Variants in FYB1 observed in about 807,000 individuals in gnomAD.
FYB1 encodes the protein FYN-binding protein 1.
Under a neutral mutation model 94.1 loss-of-function variants are expected in FYB1, and 41 were observed. The ratio of observed to expected loss-of-function variants is 0.44; its 90% CI spans 0.34 to 0.57. The LOEUF (loss-of-function observed/expected upper bound fraction) is 0.57, where lower values mean the gene tolerates loss of function less well. Among genes scored for constraint, FYB1 ranks in the 20% least tolerant of loss-of-function variants. The pLI, the probability that FYB1 is intolerant of heterozygous loss-of-function variation, is 0.02. For missense variants in FYB1, 1,050 were observed against 976.8 expected, an observed-to-expected ratio of 1.07 and a Z score of -1.00; for synonymous variants, 367 against 353.2, an observed-to-expected ratio of 1.04 and a Z score of -0.44.
intron 12 of FYB1, among the ~76,000 whole-genome samples, chr5:39,124,830 T>C (rs1740479581): frequency 6.6e-6 from 1 of 151,890 alleles, no homozygotes; most frequent in South Asian, 2.1e-4. Flanking sequence ...ATTAAAGTGC[T>C]CTGAAATCAG....
intron 3 of FYB1, among the ~76,000 whole-genome samples, chr5:39,148,393 T>G (rs1175938949): frequency 2.1e-5 from 2 of 94,682 alleles, no homozygotes; most frequent in African/African-American, 1.2e-4. Context: ...TTTTTTTTTT[T>G]TTTTTTTTTT....
chr5:39,124,924 C>CACACACACACACACACACACACACACGT (rs1740494497), intron 12 of FYB1, among the ~76,000 whole-genome samples: 6 of 150,418 alleles, frequency 4.0e-5, no homozygotes, highest in Non-Finnish European at 8.9e-5. Flanking sequence ...TCCACACACA[C>CACACACACACACACACACACACACACGT]ACACACACAC....
Position 39,164,568 on chromosome 5 carries a change from G to A in FYB1, c.1136-10964C>T, listed in dbSNP as rs1004703771. Among the ~76,000 whole-genome samples the A allele has an allele frequency of 5.3e-5, 8 of 152,036 alleles. No individual in the cohort carries two copies. The East Asian group carries it at 1.5e-3, about 29-fold the overall frequency. On this transcript the variant is annotated intron_variant, in intron 2 of 18. Coordinates refer to ENST00000512982, the MANE Select transcript of FYB1 (RefSeq NM_001465.6). The stretch of plus-strand genomic sequence containing the variant: ...GCCTCCTGAGTAGCTGGGATTATAG[G>A]TAACCACCACCACACCTGGCTAATT...
At chr5:39,170,607 ACAGTAG>A (rs1208675364) in intron 2 of FYB1, among the ~76,000 whole-genome samples, 2 of 152,170 alleles carry the variant, frequency 1.3e-5, no homozygotes, top group East Asian at 3.9e-4. Flanking sequence ...TGGACTCTTA[ACAGTAG>A]CCTCCTCACC....
At chr5:39,269,728 C>T (rs1278734592) in intron 1 of FYB1, 2 of 152,238 alleles carry the variant, frequency 1.3e-5, no homozygotes, top group Admixed American at 6.5e-5. Flanking sequence ...GAGTCATCGT[C>T]TCAACTCCTG....
chr5:39,170,293 A>C, intron 2 of FYB1: 2 of 1,393,516 alleles, frequency 1.4e-6, no homozygotes, highest in Admixed American at 2.4e-5. Flanking sequence ...TCAGTTTAAA[A>C]GATCTTCTGT....
chr5:39,161,959 G>A lies in FYB1; in HGVS notation c.1136-8355C>T, dbSNP rs117247980. Among the ~76,000 whole-genome samples, 810 of 152,290 alleles carry A rather than the reference G, an allele frequency of 5.3e-3. 18 individuals carry two copies. In the East Asian group the frequency reaches 0.092, roughly 17 times the overall value. ...CAACAGAATCATACAATATGTGGTT[G>A]TTTGTGACTAGTTTCTTTCACTTAG... On this transcript the variant is annotated intron_variant, in intron 2 of 18. Transcript: ENST00000512982.
intron 2 of FYB1, among the ~76,000 whole-genome samples, chr5:39,173,674 CTCAGTA>C (rs1464305524): frequency 2.0e-5 from 3 of 152,124 alleles, no homozygotes; most frequent in African/African-American, 7.2e-5. Context: ...AGCCATTTAT[CTCAGTA>C]TCATTTATTG....
At position 39,201,813 on chromosome 5, in the gene FYB1, G is replaced by GA; in HGVS notation, c.1135+12dup. On this transcript the variant is annotated intron_variant, in intron 2 of 18. Coordinates refer to ENST00000512982, the MANE Select transcript of FYB1 (RefSeq NM_001465.6). ...GTAAACCATACTGAATAGCAAACGA[G>GA]AAAAGAACTCACTGTTTCCAGAAGA... The GA allele has an allele frequency of 6.2e-7, 1 of 1,602,230 alleles. No individual in the cohort carries two copies. The highest frequency in any genetic ancestry group is 8.5e-7 in the Non-Finnish European group (1 of 1,172,710).
Position 39,243,288 on chromosome 5 carries a change from T to C in FYB1, c.-28+31115A>G, listed in dbSNP as rs571383218. Among the ~76,000 whole-genome samples, 34 of 152,166 alleles carry C rather than the reference T, an allele frequency of 2.2e-4. 1 individual carries two copies. In the South Asian group the frequency reaches 5.2e-3, roughly 23 times the overall value. ...TATGGTTTTAGGTCTAACATTTAAG[T>C]CTTTAATCCATCTTGAATTAATTTT... is the stretch of plus-strand genomic sequence containing the variant. On this transcript the variant is annotated intron_variant, in intron 1 of 1. Coordinates refer to the FYB1 transcript ENST00000510188.
chr5:39,113,776 A>C (rs1380302108), intron 16 of FYB1, among the ~76,000 whole-genome samples: 1 of 152,178 alleles, frequency 6.6e-6, no homozygotes, highest in African/African-American at 2.4e-5. Context: ...GTTTAAAAAC[A>C]AGAAAATCAT....
At chr5:39,167,577 C>T (rs1744851668) in intron 2 of FYB1, among the ~76,000 whole-genome samples, 2 of 152,142 alleles carry the variant, frequency 1.3e-5, no homozygotes, top group Admixed American at 1.3e-4. Flanking sequence ...GTAAATGTTC[C>T]AGAGTATTCT....
intron 1 of FYB1, among the ~76,000 whole-genome samples, chr5:39,267,448 G>A (rs778594619): frequency 5.7e-4 from 86 of 151,998 alleles, no homozygotes; most frequent in Non-Finnish European, 9.6e-4. Context: ...CAAAGCTTAA[G>A]TGACTTATGG....
chr5:39,137,749 C>G, intron 6 of FYB1, 29 bp from the exon 7 acceptor site: 4 of 1,549,962 alleles, frequency 2.6e-6, no homozygotes, highest in Non-Finnish European at 3.5e-6. Flanking sequence ...AGGTTGTTTT[C>G]ACATCTGCAG....
At chr5:39,229,388 A>G (rs1321062237) in intron 1 of FYB1, among the ~76,000 whole-genome samples, 1 of 152,134 alleles carries the variant, frequency 6.6e-6, no homozygotes, top group African/African-American at 2.4e-5. Context: ...ACCAGGGGAG[A>G]AATCAGCCAT....
intron 16 of FYB1, among the ~76,000 whole-genome samples, chr5:39,113,457 G>A (rs1739253009): frequency 1.3e-5 from 2 of 152,060 alleles, no homozygotes; most frequent in Admixed American, 1.3e-4. Context: ...TTTGAAATAT[G>A]TGGTGGGGTA....
chr5:39,186,898 G>A (rs935741867), intron 2 of FYB1, among the ~76,000 whole-genome samples: 1 of 151,866 alleles, frequency 6.6e-6, no homozygotes, highest in Non-Finnish European at 1.5e-5. Flanking sequence ...ATCCCCATTA[G>A]CAGATGAGAA....
chr5:39,245,221 T>G (rs935428931), intron 1 of FYB1, among the ~76,000 whole-genome samples: 1 of 152,170 alleles, frequency 6.6e-6, no homozygotes, highest in African/African-American at 2.4e-5. Context: ...CTTATCTGTA[T>G]AGCAATCATA....
chr5:39,141,671 A>C (rs977055349), intron 3 of FYB1, among the ~76,000 whole-genome samples: 10 of 152,222 alleles, frequency 6.6e-5, no homozygotes, highest in African/African-American at 2.2e-4. Context: ...TTTTTGACAT[A>C]AAACCAATGA....
Sources: gnomAD v4.1 joint callset for allele counts (sites outside exome capture counted in the v4.1 genomes callset) on GRCh38, gnomAD v4.1.1 for gene constraint, MANE v1.5 for transcripts, NCBI Gene and HGNC (gene_info 2026-07-23, HGNC 2026-07-21) for gene names.